The following DPYD variants were observed in gnomAD, a reference collection of about 807,000 sequenced individuals.
DPYD encodes the protein dihydropyrimidine dehydrogenase [NADP(+)].
A neutral mutation model predicts 116.2 loss-of-function variants in DPYD; 109 were observed. The ratio of observed to expected loss-of-function variants is 0.94; its 90% CI spans 0.80 to 1.10. DPYD has a LOEUF of 1.10. Ranked by LOEUF, DPYD falls within the 50% of genes least tolerant of loss-of-function variation. The pLI is 0.00. For missense variants in DPYD, 1,302 were observed against 1,254.5 expected, an observed-to-expected ratio of 1.04 and a Z score of -0.57; for synonymous variants, 440 against 432.0, an observed-to-expected ratio of 1.02 and a Z score of -0.23.
chr1:97,720,352 A>G (rs573344321), intron 5 of DPYD: 2 of 985,540 alleles, frequency 2.0e-6, no homozygotes, highest in African/African-American at 3.5e-5. Flanking sequence ...GTCCCCAAAG[A>G]AAAGTGAGGA....
intron 5 of DPYD, among the ~76,000 whole-genome samples, chr1:97,710,217 C>T (rs1021225017): frequency 6.6e-6 from 1 of 151,710 alleles, no homozygotes; most frequent in East Asian, 1.9e-4. Context: ...TGTCTCGTTA[C>T]CTTTTGAATG....
chr1:97,163,898 G>A (rs989062490), intron 20 of DPYD, among the ~76,000 whole-genome samples: 1 of 152,116 alleles, frequency 6.6e-6, no homozygotes, highest in African/African-American at 2.4e-5. Context: ...CAACTTTCTG[G>A]TATTCACTTA....
At position 97,113,255 on chromosome 1, in the gene DPYD, C is replaced by T. The variant is rs895045589; in HGVS notation, c.2623-14623G>A. On this transcript the variant is annotated intron_variant, in intron 20 of 22. Coordinates refer to ENST00000370192, the MANE Select transcript of DPYD (RefSeq NM_000110.4). ...AAGATTTAAAGCTACAGCGGGCTCT[C>T]TGTTATCTAGGGATGGTTTTTCCAT... is the stretch of plus-strand genomic sequence containing the variant. Among the ~76,000 whole-genome samples, 5 of 152,244 alleles carry T rather than the reference C, an allele frequency of 3.3e-5. No homozygotes were observed. In the East Asian group the frequency reaches 9.7e-4, roughly 29 times the overall value.
At chr1:97,361,253 GGAA>G (rs201379248) in intron 16 of DPYD, among the ~76,000 whole-genome samples, 13 of 152,256 alleles carry the variant, frequency 8.5e-5, no homozygotes, top group South Asian at 4.1e-4. Flanking sequence ...GACTAAACCA[GGAA>G]GAAGATGAAT....
At chr1:97,126,746 T>C (rs954751884) in intron 20 of DPYD, among the ~76,000 whole-genome samples, 5 of 152,196 alleles carry the variant, frequency 3.3e-5, no homozygotes, top group African/African-American at 9.6e-5. Context: ...AATACATTCG[T>C]TGAGTAAATG....
chr1:97,458,996 G>T (rs1286971443), intron 13 of DPYD, among the ~76,000 whole-genome samples: 2 of 151,976 alleles, frequency 1.3e-5, no homozygotes, highest in African/African-American at 4.8e-5. Flanking sequence ...CCAGTGCAAA[G>T]AAAAAGCTAC....
intron 20 of DPYD, among the ~76,000 whole-genome samples, chr1:97,108,490 C>A (rs914937): frequency 0.071 from 10,851 of 152,174 alleles, 1,036 homozygotes; most frequent in African/African-American, 0.22. Flanking sequence ...TCCTACTTAA[C>A]TATAGAACAT....
At chr1:97,583,901 T>C (rs1257250116) in intron 10 of DPYD, among the ~76,000 whole-genome samples, 1 of 152,202 alleles carries the variant, frequency 6.6e-6, no homozygotes. Flanking sequence ...CATAGCACCA[T>C]GATTTATAAT....
chr1:97,237,144 G>T (rs1227421050), intron 18 of DPYD, among the ~76,000 whole-genome samples: 5 of 150,316 alleles, frequency 3.3e-5, no homozygotes, highest in Non-Finnish European at 5.9e-5. Context: ...AGGAGGCTGA[G>T]GCAGGAGAAT....
At chr1:97,743,215 T>C (rs1045578972) in intron 3 of DPYD, among the ~76,000 whole-genome samples, 2 of 152,152 alleles carry the variant, frequency 1.3e-5, no homozygotes, top group East Asian at 3.9e-4. Flanking sequence ...CAGATGTTAA[T>C]GAGGCAGGGC....
intron 2 of DPYD, among the ~76,000 whole-genome samples, chr1:97,874,501 G>A (rs898168739): frequency 1.1e-4 from 17 of 151,806 alleles, no homozygotes; most frequent in African/African-American, 3.9e-4. Flanking sequence ...CTATACAAAT[G>A]TCTACCAATA....
rs182355764 is a variant in DPYD at position 97,691,653 on chromosome 1, C to A, written c.762+64G>T. The stretch of plus-strand genomic sequence containing the variant: ...AAAATGCATGACATTTGCTGTTAAT[C>A]TTTAGTGTAGAGCTTACTCCTTTCT... On this transcript the variant is annotated intron_variant, in intron 7 of 22. Transcript: ENST00000370192. The A allele has an allele frequency of 3.6e-5, 48 of 1,345,888 alleles. No individual in the cohort carries two copies. In the East Asian group the frequency reaches 1.1e-3, roughly 30 times the overall value. 83.4% of individuals were successfully genotyped at this position (1,345,888 alleles called of 1,614,324 possible).
chr1:97,875,091 T>C (rs930246184), intron 2 of DPYD, among the ~76,000 whole-genome samples: 3 of 151,958 alleles, frequency 2.0e-5, no homozygotes, highest in Admixed American at 1.3e-4. Flanking sequence ...GAATGTATGT[T>C]ATACATTTGA....
chr1:97,180,424 A>C (rs760996291), intron 20 of DPYD, among the ~76,000 whole-genome samples: 101 of 152,182 alleles, frequency 6.6e-4, no homozygotes, highest in Non-Finnish European at 1.1e-3. Context: ...TATTTTCTTT[A>C]CTCCATAAAA....
rs11165799 is a variant in DPYD at position 97,173,279 on chromosome 1, C to T, written c.2622+19790G>A. ...ATGCACACATATGTACATATATATG[C>T]ACACATATATGTACACATATGTACA... On this transcript the variant is annotated intron_variant, in intron 20 of 22. Transcript: ENST00000370192. Among the ~76,000 whole-genome samples the T allele has an allele frequency of 9.8e-3, 1,382 of 140,934 alleles. 13 individuals carry two copies. Among genetic ancestry groups the T allele is most frequent in the African/African-American group, 0.035 (1,198 of 34,192 alleles). 92.5% of individuals were successfully genotyped at this position (140,934 alleles called of 152,430 possible).
At chr1:97,100,574 T>C (rs972949237) in intron 20 of DPYD, among the ~76,000 whole-genome samples, 2 of 152,082 alleles carry the variant, frequency 1.3e-5, no homozygotes, top group African/African-American at 4.8e-5. Context: ...TGGTTCTCTG[T>C]TTGGACTTTA....
chr1:97,735,660 C>T (rs562589447), intron 4 of DPYD, among the ~76,000 whole-genome samples: 1 of 149,814 alleles, frequency 6.7e-6, no homozygotes, highest in Admixed American at 6.6e-5. Flanking sequence ...TGCACTTCAG[C>T]CTGGGCGACA....
chr1:97,636,845 C>A (rs1657593884), intron 8 of DPYD, among the ~76,000 whole-genome samples: 1 of 152,094 alleles, frequency 6.6e-6, no homozygotes, highest in Admixed American at 6.5e-5. Context: ...AGGGCATTGT[C>A]TCTCCCATGA....
chr1:97,855,421 T>A (rs1670781914), intron 2 of DPYD: 1 of 152,128 alleles, frequency 6.6e-6, no homozygotes, highest in Non-Finnish European at 1.5e-5. Context: ...AAAAAACATA[T>A]TTATGAGATT....
Sources: allele counts gnomAD v4.1 joint callset (sites outside exome capture counted in the v4.1 genomes callset), GRCh38; gene constraint gnomAD v4.1.1; transcripts MANE v1.5; gene names NCBI Gene and HGNC (gene_info 2026-07-23, HGNC 2026-07-21).